Variants in SMPD2 observed in about 807,000 individuals in gnomAD.
The protein encoded by SMPD2 is N-SMase.
A neutral mutation model predicts 41.7 loss-of-function variants in SMPD2; 35 were observed. That is an observed-to-expected ratio of 0.84 (90% CI 0.64 to 1.11). The LOEUF is 1.11. Ranked by LOEUF, SMPD2 falls within the 50% of genes most tolerant of loss-of-function variation. SMPD2 has a pLI of 0.00. For synonymous variants in SMPD2, 201 were observed against 208.2 expected (o/e 0.97, Z 0.30); for missense variants, 520 against 524.8 (o/e 0.99, Z 0.09).
intron 5 of SMPD2, 43 bp from the exon 6 acceptor site, chr6:109,442,500 G>A (rs1397601528): frequency 1.0e-5 from 16 of 1,546,346 alleles, no homozygotes; most frequent in Non-Finnish European, 1.4e-5. Context: ...ATACCCCTGG[G>A]ACCCTCAGTC....
intron 7 of SMPD2, 37 bp from the exon 8 acceptor site, chr6:109,442,940 T>TC (rs1460113886): frequency 1.2e-6 from 2 of 1,610,378 alleles, no homozygotes; most frequent in East Asian, 4.5e-5. Flanking sequence ...TCCCTCCTTC[T>TC]CCCCCACATC....
In SMPD2 at chr6:109,442,248, GC is replaced by G. The variant is rs781118581; in HGVS notation, c.358del (p.Leu120CysfsTer6). 1 of 1,614,182 alleles carries G rather than the reference GC, an allele frequency of 6.2e-7. No individual in the cohort carries two copies. Among genetic ancestry groups the G allele is most frequent in the African/African-American group, 1.3e-5 (1 of 75,048 alleles). On this transcript the variant is annotated frameshift_variant, in exon 5 of 10. Transcript: ENST00000258052. LOFTEE classifies it high-confidence loss of function. ...GDWFSGKAVG[L>X]LVLHLSGMVL... The stretch of plus-strand genomic sequence containing the variant: ...ACTGGTTCAGTGGGAAGGCTGTGGG[GC>G]TGCTGGTGCTCCATCTAAGTGGCAT...
In SMPD2 at chr6:109,442,640, G is replaced by C; in HGVS notation, c.491+15G>C. On this transcript the variant is annotated intron_variant, in intron 6 of 9. Coordinates refer to ENST00000258052, the MANE Select transcript of SMPD2 (RefSeq NM_003080.3). ...CAGTTCATCCAGTGTGTGAGCCTGG[G>C]CTTGAAATGGGAAGTGGGATGGGAC... The C allele has an allele frequency of 6.2e-7, 1 of 1,614,196 alleles. No homozygotes were observed. Among genetic ancestry groups the C allele is most frequent in the South Asian group, 1.1e-5 (1 of 91,072 alleles).
chr6:109,443,419 C>G lies in SMPD2; in HGVS notation c.882C>G (p.His294Gln). The change falls in exon 9 of 10, where the codon CAC becomes CAG. Residue 294 changes from histidine (H) to glutamine (Q), a missense_variant and splice_region_variant. Physicochemically the swap from His to Gln is conservative, Grantham distance 24. Coordinates refer to ENST00000258052, the MANE Select transcript of SMPD2 (RefSeq NM_003080.3). ...SPPQQNPSST[H>Q]GPAERSPLMC... The stretch of plus-strand genomic sequence containing the variant: ...CACAGCAGAACCCCAGCTCTACCCA[C>G]GGTGAGTCACCCCCACCCTTTCCTT... The G allele has an allele frequency of 6.2e-7, 1 of 1,613,596 alleles. No individual in the cohort carries two copies. The highest frequency in any genetic ancestry group is 8.5e-7 in the Non-Finnish European group (1 of 1,179,632).
chr6:109,443,291 T>C lies in SMPD2; in HGVS notation c.754T>C (p.Cys252Arg). 6.2e-7 allele frequency: 1 copy of C among 1,614,204 alleles called. No homozygotes were observed. The highest frequency in any genetic ancestry group is 8.5e-7 in the Non-Finnish European group (1 of 1,180,026). The change falls in exon 9 of 10, where the codon TGT (cysteine) becomes CGT (arginine). Residue 252 changes from cysteine to arginine, a missense_variant. Cys to Arg is a radical substitution (Grantham distance 180). Transcript: ENST00000258052. The part of the protein sequence containing the change: ...YKAVSGFYIS[C>R]KSFETTTGFD... ...GGCAGTTTCTGGGTTTTACATCTCC[T>C]GTAAGAGTTTTGAAACCACTACAGG...
rs377724058 is a variant in SMPD2 at position 109,442,063 on chromosome 6, A to C, written c.314A>C (p.Tyr105Ser). The C allele has an allele frequency of 6.2e-7, 1 of 1,611,582 alleles. No homozygotes were observed. ...QHIYTLNGYPYMIHHGDWFSG... is the reference protein window; with the variant it reads ...QHIYTLNGYPSMIHHGDWFSG... ...ATCTACACTCTCAATGGCTACCCCT[A>C]CATGGTAAGGCAGACCTTTGACCTC... is the stretch of plus-strand genomic sequence containing the variant. Residue 105 changes from tyrosine to serine, a missense_variant, in exon 4 of 10, where the codon TAC (tyrosine) becomes TCC (serine). Tyr to Ser is a moderately radical substitution (Grantham distance 144, BLOSUM62 -2). Coordinates refer to ENST00000258052, the MANE Select transcript of SMPD2 (RefSeq NM_003080.3).
In SMPD2 at chr6:109,442,830, G is replaced by C. The variant is rs527587528; in HGVS notation, c.570G>C (p.Leu190=). 3.0e-4 allele frequency: 482 copies of C among 1,614,166 alleles called. 4 individuals are homozygous for C. The South Asian group carries it at 5.1e-3, about 17-fold the overall frequency. The change falls in exon 7 of 10, where the codon CTG becomes CTC. Residue 190 remains leucine (L), a synonymous_variant. Transcript: ENST00000258052. ...NMHPEDLGCC[L]LKEWTGLHDA... is the part of the protein sequence containing the mutation. ...ACCCAGAAGACCTGGGCTGCTGCCT[G>C]CTGAAGGAGTGGACAGGGCTTCATG...
chr6:109,443,093 C>T lies in SMPD2; in HGVS notation c.729+12C>T. The T allele has an allele frequency of 6.2e-7, 1 of 1,603,218 alleles. No homozygotes were observed. ...ACGTGCTTTACAAGGTCAGGCTCCT[C>T]CCTTCAACATGCTTTCATATGCTGT... On this transcript the variant is annotated intron_variant, in intron 8 of 9. Coordinates refer to ENST00000258052, the MANE Select transcript of SMPD2 (RefSeq NM_003080.3).
chr6:109,440,999 C>A lies in SMPD2; in HGVS notation c.-123C>A. The A allele has an allele frequency of 2.1e-6, 2 of 971,940 alleles. No individual in the cohort carries two copies. Among genetic ancestry groups the A allele is most frequent in the Non-Finnish European group, 3.2e-6 (2 of 633,288 alleles). The allele number at this position is 971,940 out of a possible 1,614,324, so 60.2% of individuals were successfully genotyped here. A position where few individuals can be genotyped will look rare whatever the true frequency, so the allele number is the denominator to read the frequency against. On this transcript the variant is annotated 5_prime_UTR_variant, in exon 1 of 10. Transcript: ENST00000258052. ...CTGAGCCACGCGGGCTTGGTGCCCACCTGTGCGCGCCGCCTGCGAAGAAGG... is the reference window on the plus strand; with the variant it reads ...CTGAGCCACGCGGGCTTGGTGCCCAACTGTGCGCGCCGCCTGCGAAGAAGG...
chr6:109,441,210 C>T (rs1376046884), intron 1 of SMPD2, 39 bp downstream of exon 1: 3 of 1,611,304 alleles, frequency 1.9e-6, no homozygotes, highest in Non-Finnish European at 2.5e-6. Flanking sequence ...GGGCCACCTT[C>T]CGTTCGCACC....
chr6:109,442,800 C>T lies in SMPD2; in HGVS notation c.540C>T (p.Asn180=), dbSNP rs372666933. The part of the protein sequence containing the change: ...ADVVLLCGDL[N]MHPEDLGCCL... ...TGGTTCTGTTGTGTGGAGACCTCAA[C>T]ATGCACCCAGAAGACCTGGGCTGCT... is the stretch of plus-strand genomic sequence containing the variant. Residue 180 remains asparagine (N), a synonymous_variant, in exon 7 of 10, where the codon AAC becomes AAT. Transcript: ENST00000258052. The T allele has an allele frequency of 7.4e-6, 12 of 1,614,060 alleles. No homozygotes were observed. The African/African-American group carries it at 1.3e-4, about 18-fold the overall frequency.
intron 8 of SMPD2, 35 bp from the exon 9 acceptor site, chr6:109,443,232 T>A: frequency 6.2e-7 from 1 of 1,611,736 alleles, no homozygotes; most frequent in Non-Finnish European, 8.5e-7. Context: ...GAGGCCCTCA[T>A]ATATAAGCTT....
In SMPD2 at chr6:109,441,443, T is replaced by C; in HGVS notation, c.137T>C (p.Leu46Ser). ...FLNQESFDLA[L>S]LEEVWSEQDF... ...AACCAGGAGAGCTTCGACCTGGCTT[T>C]GCTGGAGGAGGTGAGATTGTGCAGC... The change falls in exon 2 of 10, where the codon TTG becomes TCG. Residue 46 changes from leucine to serine, a missense_variant. Transcript: ENST00000258052. 1 of 1,614,144 alleles carries C rather than the reference T, an allele frequency of 6.2e-7. No homozygotes were observed. The highest frequency in any genetic ancestry group is 8.5e-7 in the Non-Finnish European group (1 of 1,179,990).
At chr6:109,442,493 C>T (rs1419769108) in intron 5 of SMPD2, 50 bp from the exon 6 acceptor site, 2 of 1,524,210 alleles carry the variant, frequency 1.3e-6, no homozygotes, top group African/African-American at 1.4e-5. Context: ...TTCAGACATA[C>T]CCCTGGGACC....
chr6:109,442,322 A>C, intron 5 of SMPD2, 23 bp downstream of exon 5: 7 of 1,606,100 alleles, frequency 4.4e-6, no homozygotes, highest in Non-Finnish European at 6.0e-6. Flanking sequence ...GGCAGTGCCT[A>C]GGGCTGGGAC....
intron 5 of SMPD2, 77 bp downstream of exon 5, chr6:109,442,376 C>T: frequency 6.8e-7 from 1 of 1,466,026 alleles, no homozygotes; most frequent in Middle Eastern, 1.8e-4. Context: ...TTCTCTAGCT[C>T]TCATACCTGG....
At chr6:109,441,512 T>A in intron 2 of SMPD2, 40 bp from the exon 3 acceptor site, 1 of 1,612,896 alleles carries the variant, frequency 6.2e-7, no homozygotes, top group Non-Finnish European at 8.5e-7. Flanking sequence ...ACCGTCCCAC[T>A]GGGGAAAGAC....
In SMPD2 at chr6:109,441,602, C is replaced by T; in HGVS notation, c.198C>T (p.Thr66=). The part of the protein sequence containing the change: ...FQYLRQKLSP[T]YPAAHHFRSG... ...ACCTGAGACAGAAGCTGTCACCTAC[C>T]TACCCAGCTGCACACCACTTCCGGA... The change falls in exon 3 of 10, where the codon ACC becomes ACT. Residue 66 remains threonine (T), a synonymous_variant. Transcript: ENST00000258052. The T allele has an allele frequency of 6.2e-7, 1 of 1,614,216 alleles. No homozygotes were observed.
chr6:109,443,662 C>A lies in SMPD2; in HGVS notation c.1029C>A (p.Val343=). The A allele has an allele frequency of 6.2e-7, 1 of 1,613,102 alleles. No individual in the cohort carries two copies. The change falls in exon 10 of 10, where the codon GTC becomes GTA. Residue 343 remains valine (V), a synonymous_variant. Transcript: ENST00000258052. ...LGLLLLALLC[V]LAAGGGAGEA... ...TGCTTCTCCTGGCACTGCTGTGTGT[C>A]CTGGCGGCTGGAGGAGGGGCCGGGG...
Sources: allele counts gnomAD v4.1 joint callset, GRCh38; gene constraint gnomAD v4.1.1; transcripts MANE v1.5; gene names NCBI Gene and HGNC (gene_info 2026-07-23, HGNC 2026-07-21).